The following MYO3A variants were observed in gnomAD, a reference collection of about 807,000 sequenced individuals.
MYO3A encodes myosin-IIIa.
A neutral mutation model predicts 192.7 loss-of-function variants in MYO3A; 180 were observed. The observed-to-expected ratio is 0.93, with a 90% CI of 0.83 to 1.06. The LOEUF (loss-of-function observed/expected upper bound fraction) is 1.06, where lower values mean the gene tolerates loss of function less well. Ranked by LOEUF, MYO3A falls within the 50% of genes least tolerant of loss-of-function variation. The pLI, the probability that MYO3A is intolerant of heterozygous loss-of-function variation, is 0.00. For missense variants in MYO3A, 1,896 were observed against 1,905.0 expected, an observed-to-expected ratio of 1.00 and a Z score of 0.09; for synonymous variants, 628 against 645.3, an observed-to-expected ratio of 0.97 and a Z score of 0.41.
At chr10:26,203,742 A>G (rs1225584997) in intron 34 of MYO3A, among the ~76,000 whole-genome samples, 3 of 152,250 alleles carry the variant, frequency 2.0e-5, no homozygotes, top group African/African-American at 7.2e-5. Flanking sequence ...GTAATGATGG[A>G]AAACAAAAAG....
chr10:25,951,888 C>T (rs1230601036), intron 2 of MYO3A, among the ~76,000 whole-genome samples: 1 of 151,890 alleles, frequency 6.6e-6, no homozygotes, highest in African/African-American at 2.4e-5. Context: ...GAAATAAAGC[C>T]CTGCTTACAA....
chr10:26,203,031 A>C lies in MYO3A; in HGVS notation c.4654A>C (p.Lys1552Gln). 1 of 1,613,830 alleles carries C rather than the reference A, an allele frequency of 6.2e-7. No individual in the cohort carries two copies. ...KEFLPSRSGP[K>Q]EHSPSLRERR... ...ATTTTTGCCCAGTCGTTCTGGACCA[A>C]AGGAACATAGCCCTAGTTTAAGAGA... is the stretch of plus-strand genomic sequence containing the variant. Residue 1552 changes from lysine to glutamine, a missense_variant, in exon 34 of 35, where the codon AAG becomes CAG. By Grantham distance (53) the Lys-to-Gln change is moderately conservative. Transcript: ENST00000642920.
chr10:25,967,497 A>G (rs954636594), intron 4 of MYO3A, among the ~76,000 whole-genome samples: 1 of 152,262 alleles, frequency 6.6e-6, no homozygotes, highest in Non-Finnish European at 1.5e-5. Flanking sequence ...TTCAACATTT[A>G]TTATTAGAAG....
At chr10:25,981,846 T>C (rs948590723) in intron 4 of MYO3A, among the ~76,000 whole-genome samples, 1 of 152,162 alleles carries the variant, frequency 6.6e-6, no homozygotes, top group Non-Finnish European at 1.5e-5. Flanking sequence ...CATCATGAAG[T>C]TTTACTCCAA....
intron 6 of MYO3A, among the ~76,000 whole-genome samples, chr10:25,997,740 T>C (rs140025464): frequency 6.1e-4 from 93 of 152,276 alleles, no homozygotes; most frequent in Non-Finnish European, 1.1e-3. Context: ...CGGAAACTGC[T>C]ACAGTTACCT....
chr10:26,200,735 A>G (rs957536704), intron 32 of MYO3A: 1 of 152,250 alleles, frequency 6.6e-6, no homozygotes, highest in Non-Finnish European at 1.5e-5. Context: ...ATGAAAACAT[A>G]TATCATCTGT....
intron 6 of MYO3A, among the ~76,000 whole-genome samples, chr10:26,009,843 A>C (rs1588767051): frequency 6.6e-6 from 1 of 152,220 alleles, no homozygotes; most frequent in East Asian, 1.9e-4. Context: ...TAATCTCTGA[A>C]GAACTTTAAG....
At chr10:26,134,776 C>CT (rs1233581030) in intron 20 of MYO3A, among the ~76,000 whole-genome samples, 1 of 152,012 alleles carries the variant, frequency 6.6e-6, no homozygotes, top group African/African-American at 2.4e-5. Flanking sequence ...TAAAATCTTT[C>CT]TGTTTGATAA....
rs770093015 is a variant in MYO3A at position 25,997,213 on chromosome 10, A to G, written c.463A>G (p.Asn155Asp). 9.3e-6 allele frequency: 15 copies of G among 1,613,582 alleles called. No individual in the cohort carries two copies. Among genetic ancestry groups the G allele is most frequent in the Non-Finnish European group, 8.5e-6 (10 of 1,179,724 alleles). ...KTIHRDVKGN[N>D]ILLTTEGGVK... The stretch of plus-strand genomic sequence containing the variant: ...TATCCACAGAGATGTGAAAGGCAAT[A>G]ACATTCTATTGACCACGGAAGGTGG... The change falls in exon 6 of 35, where the codon AAC becomes GAC. Residue 155 changes from asparagine (N) to aspartate (D), a missense_variant. Coordinates refer to ENST00000642920, the MANE Select transcript of MYO3A (RefSeq NM_017433.5).
At chr10:26,176,638 G>A in intron 30 of MYO3A, 63 bp from the exon 31 acceptor site, 3 of 1,491,466 alleles carry the variant, frequency 2.0e-6, no homozygotes, top group Non-Finnish European at 2.8e-6. Flanking sequence ...CCAGCCCCCG[G>A]TGCCTGCAGA....
chr10:26,021,687 A>G (rs1480114911), intron 8 of MYO3A, 39 bp downstream of exon 8: 3 of 1,611,360 alleles, frequency 1.9e-6, no homozygotes, highest in African/African-American at 1.3e-5. Context: ...CTGCAGCCCG[A>G]TTTACTTCCT....
At chr10:26,073,413 C>T (rs997076393) in intron 14 of MYO3A, among the ~76,000 whole-genome samples, 1 of 151,848 alleles carries the variant, frequency 6.6e-6, no homozygotes, top group African/African-American at 2.4e-5. Context: ...ACTAAAAATA[C>T]AAAAAATTAG....
chr10:25,982,538 A>G (rs7909401), intron 4 of MYO3A, among the ~76,000 whole-genome samples: 2,530 of 152,272 alleles, frequency 0.017, 75 homozygotes, highest in African/African-American at 0.057. Context: ...GACCTTCACT[A>G]AGCCCACTTT....
chr10:25,970,745 T>A (rs1838588379), intron 4 of MYO3A, among the ~76,000 whole-genome samples: 1 of 151,870 alleles, frequency 6.6e-6, no homozygotes, highest in African/African-American at 2.4e-5. Context: ...ATGGGGAAAA[T>A]TATTATTGAA....
chr10:25,976,342 T>A (rs1036069449), intron 4 of MYO3A, among the ~76,000 whole-genome samples: 2 of 152,136 alleles, frequency 1.3e-5, no homozygotes, highest in Non-Finnish European at 2.9e-5. Context: ...TATTAGAAAA[T>A]CACAGTTTCT....
chr10:26,139,311 G>C (rs1840022640), intron 20 of MYO3A, among the ~76,000 whole-genome samples: 2 of 150,356 alleles, frequency 1.3e-5, no homozygotes, highest in South Asian at 4.3e-4. Context: ...CATGATCTCG[G>C]CTCACCACAA....
At chr10:26,163,697 G>A (rs1290523103) in intron 26 of MYO3A, among the ~76,000 whole-genome samples, 1 of 152,166 alleles carries the variant, frequency 6.6e-6, no homozygotes, top group Non-Finnish European at 1.5e-5. Flanking sequence ...AGTTAACCAG[G>A]TGGGCATGTA....
chr10:26,107,868 T>C (rs1837923367), intron 17 of MYO3A, among the ~76,000 whole-genome samples: 1 of 152,154 alleles, frequency 6.6e-6, no homozygotes, highest in South Asian at 2.1e-4. Flanking sequence ...CCGATAAATG[T>C]TTTCATTGTC....
In MYO3A at chr10:26,034,924, A is replaced by AGTGTGTGT. The variant is rs370942096; in HGVS notation, c.953+8393_953+8394insTGTGTGTG. The stretch of plus-strand genomic sequence containing the variant: ...ATGTTTTTGTGTTTTTTTTACATGA[A>AGTGTGTGT]GCGTGTGTGTGTGTGTGTGTGCGCA... On this transcript the variant is annotated intron_variant, in intron 10 of 34. Coordinates refer to ENST00000642920, the MANE Select transcript of MYO3A (RefSeq NM_017433.5). Among the ~76,000 whole-genome samples, 152 of 151,122 alleles carry AGTGTGTGT rather than the reference A, an allele frequency of 1.0e-3. No individual in the cohort carries two copies. In the Middle Eastern group the frequency reaches 0.014, roughly 14 times the overall value.
Sources: gnomAD v4.1 joint callset for allele counts (sites outside exome capture counted in the v4.1 genomes callset) on GRCh38, gnomAD v4.1.1 for gene constraint, MANE v1.5 for transcripts, NCBI Gene and HGNC (gene_info 2026-07-23, HGNC 2026-07-21) for gene names.